The following AKAP6 variants were observed in gnomAD, a reference collection of about 807,000 sequenced individuals.
AKAP6 encodes A-kinase anchor protein 6.
A neutral mutation model predicts 188.5 loss-of-function variants in AKAP6; 58 were observed. The observed-to-expected ratio is 0.31, with a 90% CI of 0.25 to 0.38. The LOEUF is 0.38. Ranked by LOEUF, AKAP6 falls within the 10% of genes least tolerant of loss-of-function variation. AKAP6 has a pLI of 1.00. For synonymous variants in AKAP6, 989 were observed against 998.6 expected, an observed-to-expected ratio of 0.99 and a Z score of 0.18; for missense variants, 2,710 against 2,740.0, an observed-to-expected ratio of 0.99 and a Z score of 0.24.
chr14:32,606,112 G>A (rs1291043614), intron 7 of AKAP6, among the ~76,000 whole-genome samples: 1 of 152,048 alleles, frequency 6.6e-6, no homozygotes, highest in East Asian at 1.9e-4. Flanking sequence ...TTTATACATG[G>A]AAATAGAGAA....
At chr14:32,670,640 G>A (rs1408364530) in intron 7 of AKAP6, among the ~76,000 whole-genome samples, 1 of 152,128 alleles carries the variant, frequency 6.6e-6, no homozygotes, top group Non-Finnish European at 1.5e-5. Flanking sequence ...TTGAGCTAGT[G>A]TGGACTCTTC....
intron 9 of AKAP6, among the ~76,000 whole-genome samples, chr14:32,704,144 C>T (rs1018368435): frequency 6.6e-6 from 1 of 152,060 alleles, no homozygotes; most frequent in Non-Finnish European, 1.5e-5. Flanking sequence ...TAAGTAATAA[C>T]CATCATGTTA....
At chr14:32,361,288 G>GGT (rs144870142) in intron 1 of AKAP6, among the ~76,000 whole-genome samples, 9 of 150,428 alleles carry the variant, frequency 6.0e-5, no homozygotes, top group African/African-American at 1.5e-4. Context: ...TCCAGGAAAA[G>GGT]GTGTGTGTGT....
In AKAP6 at chr14:32,775,164, A is replaced by G. The variant is rs60269793; in HGVS notation, c.3588+1271A>G. On this transcript the variant is annotated intron_variant, in intron 12 of 13. Transcript: ENST00000280979. ...GACCTGTTTTTTTGTAAAGCTATTT[A>G]GCTGGCATGTTTTTTGTTTGTTTTG... Among the ~76,000 whole-genome samples, 639 of 152,278 alleles carry G rather than the reference A, an allele frequency of 4.2e-3. 1 individual carries two copies. Among genetic ancestry groups the G allele is most frequent in the Middle Eastern group, 0.017 (5 of 294 alleles).
At chr14:32,772,136 A>T (rs980842206) in intron 11 of AKAP6, among the ~76,000 whole-genome samples, 6 of 151,990 alleles carry the variant, frequency 3.9e-5, no homozygotes, top group Admixed American at 3.9e-4. Context: ...TTGAGGGGAG[A>T]CATTTGACAG....
chr14:32,552,440 A>G (rs2139178581), intron 4 of AKAP6, among the ~76,000 whole-genome samples: 1 of 152,340 alleles, frequency 6.6e-6, no homozygotes, highest in South Asian at 2.1e-4. Context: ...ATTCTTGGGT[A>G]TTAAATACAT....
intron 2 of AKAP6, chr14:32,442,485 T>C (rs941207025): frequency 1.3e-5 from 2 of 152,114 alleles, no homozygotes; most frequent in African/African-American, 4.8e-5. Flanking sequence ...GGTGACCTCC[T>C]GGAAGCAGAA....
At chr14:32,488,249 G>A (rs1879809303) in intron 2 of AKAP6, among the ~76,000 whole-genome samples, 1 of 152,204 alleles carries the variant, frequency 6.6e-6, no homozygotes, top group African/African-American at 2.4e-5. Context: ...ATCTAGAGAG[G>A]CAGTCTGGCC....
Position 32,823,702 on chromosome 14 carries a change from A to G in AKAP6, c.5889A>G (p.Lys1963=), listed in dbSNP as rs148293225. 33 of 1,613,740 alleles carry G rather than the reference A, an allele frequency of 2.0e-5. No homozygotes were observed. The highest frequency in any genetic ancestry group is 2.7e-5 in the Non-Finnish European group (32 of 1,179,924). ...AAGATGTTAGACATCTTCCAAAGAA[A>G]TGTCCAAATCACCACCATTTTGAAA... The part of the protein sequence containing the change: ...VSQDVRHLPK[K]CPNHHHFENQ... The change falls in exon 13 of 14, where the codon AAA becomes AAG. Residue 1963 remains lysine, a synonymous_variant. Transcript: ENST00000280979.
In AKAP6 at chr14:32,535,884, A is replaced by G. The variant is rs1043648772; in HGVS notation, c.576+79A>G. On this transcript the variant is annotated intron_variant, in intron 3 of 13. Coordinates refer to ENST00000280979, the MANE Select transcript of AKAP6 (RefSeq NM_004274.5). ...AATGTTTTCAGTTTAGAGATGTAGGATAGGAATTCTTTGTAGGTAAATAAG... is the reference window on the plus strand; with the variant it reads ...AATGTTTTCAGTTTAGAGATGTAGGGTAGGAATTCTTTGTAGGTAAATAAG... 3.9e-6 allele frequency: 6 copies of G among 1,528,718 alleles called. No individual in the cohort carries two copies. In the Admixed American group the frequency reaches 7.8e-5, roughly 20 times the overall value. 94.7% of individuals were successfully genotyped at this position (1,528,718 alleles called of 1,614,324 possible).
At chr14:32,679,140 A>G (rs1407645712) in intron 8 of AKAP6, among the ~76,000 whole-genome samples, 2 of 152,182 alleles carry the variant, frequency 1.3e-5, no homozygotes, top group African/African-American at 2.4e-5. Flanking sequence ...GTCTAAATAT[A>G]TGTGTATTTA....
intron 2 of AKAP6, among the ~76,000 whole-genome samples, chr14:32,454,681 CTCCT>C (rs201086198): frequency 1.5e-3 from 70 of 45,268 alleles, no homozygotes; most frequent in African/African-American, 0.014. Flanking sequence ...CCCTCCTTCC[CTCCT>C]TCCCTCCCTC....
chr14:32,787,982 A>C (rs2033476574), intron 12 of AKAP6, among the ~76,000 whole-genome samples: 1 of 149,166 alleles, frequency 6.7e-6, no homozygotes, highest in African/African-American at 2.5e-5. Context: ...TCAAGGATGC[A>C]ATGAGCCGTA....
chr14:32,826,174 G>C (rs144912334), intron 13 of AKAP6, among the ~76,000 whole-genome samples: 4 of 149,512 alleles, frequency 2.7e-5, no homozygotes, highest in African/African-American at 4.9e-5. Flanking sequence ...ACTAAGGGGG[G>C]GCATCTATAC....
At chr14:32,650,282 G>T (rs993709185) in intron 7 of AKAP6, among the ~76,000 whole-genome samples, 2 of 152,128 alleles carry the variant, frequency 1.3e-5, no homozygotes, top group Non-Finnish European at 2.9e-5. Context: ...ATAGCGGTTT[G>T]TCTTTCAGAC....
At chr14:32,703,815 A>G (rs1025049963) in intron 9 of AKAP6, among the ~76,000 whole-genome samples, 3 of 152,350 alleles carry the variant, frequency 2.0e-5, no homozygotes, top group Middle Eastern at 3.4e-3. Context: ...GCTTCCACAG[A>G]CAAAACTTGG....
At chr14:32,794,467 C>T (rs974439048) in intron 12 of AKAP6, among the ~76,000 whole-genome samples, 7 of 152,006 alleles carry the variant, frequency 4.6e-5, no homozygotes, top group African/African-American at 1.2e-4. Context: ...GGCTGAGGCA[C>T]GAGAATCTCT....
At chr14:32,730,865 T>C (rs1172249889) in intron 9 of AKAP6, among the ~76,000 whole-genome samples, 2 of 152,172 alleles carry the variant, frequency 1.3e-5, no homozygotes, top group African/African-American at 4.8e-5. Context: ...GTTTCTAGAA[T>C]GCTCCTGAAT....
intron 7 of AKAP6, among the ~76,000 whole-genome samples, chr14:32,663,897 A>G (rs1267915038): frequency 6.6e-6 from 1 of 151,960 alleles, no homozygotes; most frequent in Non-Finnish European, 1.5e-5. Context: ...TAAGGGGGGG[A>G]AATAGTATAA....
Sources: gnomAD v4.1 joint callset for allele counts (sites outside exome capture counted in the v4.1 genomes callset) on GRCh38, gnomAD v4.1.1 for gene constraint, MANE v1.5 for transcripts, NCBI Gene and HGNC (gene_info 2026-07-23, HGNC 2026-07-21) for gene names.